The following NYX variants were observed in gnomAD, a reference collection of about 807,000 sequenced individuals.
The protein encoded by NYX is leucine-rich repeat protein.
For synonymous variants in NYX, 258 were observed against 245.7 expected (o/e 1.05, Z -0.47); for missense variants, 481 against 485.4 (o/e 0.99, Z 0.09).
intron 2 of NYX, among the ~76,000 whole-genome samples, chrX:41,469,569 C>T (rs1260109549): frequency 1.1e-5 from 1 of 89,273 alleles, no homozygotes; most frequent in Non-Finnish European, 2.2e-5. Flanking sequence ...TTTTTTGAGA[C>T]GGAGTCTCAC....
Position 41,473,617 on chromosome X carries a change from G to A in NYX, c.149G>A (p.Arg50Gln). The change falls in exon 3 of 3, where the codon CGG becomes CAG. Residue 50 changes from arginine (R) to glutamine (Q), a missense_variant. Arg to Gln is a conservative substitution (Grantham distance 43, BLOSUM62 1). Transcript: ENST00000378220. The part of the protein sequence containing the change: ...SVRCDRAGLL[R>Q]VPAELPCEAV... ...CGCTGCGACCGCGCGGGCCTCCTGC[G>A]GGTGCCGGCCGAGCTCCCGTGCGAG... The A allele has an allele frequency of 9.5e-7, 1 of 1,050,467 alleles. No individual in the cohort carries two copies. The highest frequency in any genetic ancestry group is 1.2e-6 in the Non-Finnish European group (1 of 817,563). The allele number at this position is 1,050,467 out of a possible 1,213,427, so 86.6% of individuals were successfully genotyped here.
Position 41,475,091 on chromosome X carries a change from T to C in NYX, c.*192T>C. On this transcript the variant is annotated 3_prime_UTR_variant, in exon 3 of 3. Coordinates refer to ENST00000378220, the MANE Select transcript of NYX (RefSeq NM_001378477.3). ...GGGAGGATGGTATGGATTTCTGCTT[T>C]TGTCACACGGGCATCCATTGGAAAA... The C allele has an allele frequency of 4.4e-6, 2 of 458,689 alleles. No individual in the cohort carries two copies. Among genetic ancestry groups the C allele is most frequent in the Non-Finnish European group, 7.7e-6 (2 of 260,928 alleles). The allele number at this position is 458,689 out of a possible 1,213,427, so 37.8% of individuals were successfully genotyped here. A position where few individuals can be genotyped will look rare whatever the true frequency, so the allele number is the denominator to read the frequency against.
In NYX at chrX:41,460,890, T is replaced by C. The variant is rs866746920; in HGVS notation, c.23-12601T>C. Among the ~76,000 whole-genome samples the C allele has an allele frequency of 2.3e-3, 226 of 96,413 alleles. 2 individuals are homozygous for C. Among genetic ancestry groups the C allele is most frequent in the African/African-American group, 7.7e-3 (203 of 26,309 alleles). The allele number at this position is 96,413 out of a possible 115,157, so 83.7% of individuals were successfully genotyped here. A position where few individuals can be genotyped will look rare whatever the true frequency, so the allele number is the denominator to read the frequency against. On this transcript the variant is annotated intron_variant, in intron 2 of 2. Transcript: ENST00000378220. ...ACACAGTATGTATTTTTTTTTTTTTTTTTTTTTTTTTTTTTTGGTCTGGCT... is the reference window on the plus strand; with the variant it reads ...ACACAGTATGTATTTTTTTTTTTTTCTTTTTTTTTTTTTTTTGGTCTGGCT...
intron 2 of NYX, among the ~76,000 whole-genome samples, chrX:41,464,670 C>CGTGTGTGTGTGTGTGTGTGTGTGT (rs768617215): frequency 6.3e-4 from 64 of 101,838 alleles, no homozygotes; most frequent in African/African-American, 2.1e-3. Flanking sequence ...ATGGGCCGTG[C>CGTGTGTGTGTGTGTGTGTGTGTGT]GTGTGTGTGT....
At position 41,474,254 on chromosome X, in the gene NYX, C is replaced by G; in HGVS notation, c.786C>G (p.Asp262Glu). 1.7e-6 allele frequency: 2 copies of G among 1,203,332 alleles called. No homozygotes were observed. The highest frequency in any genetic ancestry group is 2.2e-6 in the Non-Finnish European group (2 of 894,822). ...TCAACCTGGGTGGCAACGCGCTGGA[C>G]CGCGTGGCGCGCGCCTGGTTCGCTG... ...RTLNLGGNAL[D>E]RVARAWFADL... is the part of the protein sequence containing the mutation. The change falls in exon 3 of 3, where the codon GAC becomes GAG. Residue 262 changes from aspartate (D) to glutamate (E), a missense_variant. Transcript: ENST00000378220.
chrX:41,461,160 C>T (rs1237279167), intron 2 of NYX, among the ~76,000 whole-genome samples: 1 of 106,987 alleles, frequency 9.3e-6, no homozygotes, highest in Non-Finnish European at 1.9e-5. Flanking sequence ...AGTCTTTTAT[C>T]CCTCACCCCC....
Position 41,472,711 on chromosome X carries a change from G to A in NYX, c.23-780G>A, listed in dbSNP as rs1418729076. 8.7e-6 allele frequency: 3 copies of A among 345,352 alleles called. No individual in the cohort carries two copies. The East Asian group carries it at 1.3e-4, about 15-fold the overall frequency. The allele number at this position is 345,352 out of a possible 1,213,427, so 28.5% of individuals were successfully genotyped here. A position where few individuals can be genotyped will look rare whatever the true frequency, so the allele number is the denominator to read the frequency against. ...CCCCCACTTCCGCCGGCACCCCGCA[G>A]TAGAGGCCAGGGCAGGCCCCGAGCC... On this transcript the variant is annotated intron_variant, in intron 2 of 2. Transcript: ENST00000378220.
At chrX:41,467,472 G>C (rs1173917798) in intron 2 of NYX, among the ~76,000 whole-genome samples, 1 of 110,339 alleles carries the variant, frequency 9.1e-6, no homozygotes, top group Admixed American at 9.8e-5. Context: ...TTGTGCGTCA[G>C]CCTCCTGAGT....
At chrX:41,468,971 T>C (rs1057015934) in intron 2 of NYX, among the ~76,000 whole-genome samples, 1 of 111,381 alleles carries the variant, frequency 9.0e-6, no homozygotes, top group Non-Finnish European at 1.9e-5. Context: ...TGCTGGAAGC[T>C]TGGTGTCTAT....
At position 41,474,046 on chromosome X, in the gene NYX, C is replaced by T; in HGVS notation, c.578C>T (p.Ala193Val). The T allele has an allele frequency of 9.5e-7, 1 of 1,057,731 alleles. No homozygotes were observed. 87.2% of individuals were successfully genotyped at this position (1,057,731 alleles called of 1,213,427 possible). ...HLERGRIEAV[A>V]SSSLQGLRRL... is the part of the protein sequence containing the mutation. ...GAGCGCGGCCGCATCGAGGCGGTGG[C>T]CTCCAGCTCGCTGCAGGGCCTGCGC... The change falls in exon 3 of 3, where the codon GCC becomes GTC. Residue 193 changes from alanine to valine, a missense_variant. Physicochemically the swap from Ala to Val is moderately conservative, Grantham distance 64 (BLOSUM62 0). Transcript: ENST00000378220.
At chrX:41,458,669 G>C (rs2064307180) in intron 2 of NYX, among the ~76,000 whole-genome samples, 1 of 107,717 alleles carries the variant, frequency 9.3e-6, no homozygotes, top group African/African-American at 3.4e-5. Context: ...GTTTCACCAT[G>C]TTGGCCAGGC....
intron 2 of NYX, chrX:41,472,495 G>T: frequency 1.5e-6 from 1 of 652,053 alleles, no homozygotes; most frequent in Admixed American, 2.5e-5. Flanking sequence ...GCTGCTTCTG[G>T]GATTCCAAGG....
intron 2 of NYX, among the ~76,000 whole-genome samples, chrX:41,452,663 G>A (rs1421782050): frequency 9.0e-6 from 1 of 111,357 alleles, no homozygotes. Context: ...GGGGCCTTGC[G>A]TTCTTCTCCT....
rs981493309 is a variant in NYX at position 41,474,069 on chromosome X, C to T, written c.601C>T (p.Arg201Cys). Residue 201 changes from arginine to cysteine, a missense_variant, in exon 3 of 3, where the codon CGC becomes TGC. By Grantham distance (180) the Arg-to-Cys change is radical. Coordinates refer to ENST00000378220, the MANE Select transcript of NYX (RefSeq NM_001378477.3). ...AVASSSLQGL[R>C]RLRSLSLQAN... is the part of the protein sequence containing the mutation. Reference sequence around the variant, plus strand: ...GGCCTCCAGCTCGCTGCAGGGCCTGCGCCGCCTGCGCTCGCTCAGCCTGCA... The same window carrying T: ...GGCCTCCAGCTCGCTGCAGGGCCTGTGCCGCCTGCGCTCGCTCAGCCTGCA... 1.9e-5 allele frequency: 21 copies of T among 1,077,473 alleles called. No homozygotes were observed. Among genetic ancestry groups the T allele is most frequent in the Middle Eastern group, 2.9e-4 (1 of 3,439 alleles). 88.8% of individuals were successfully genotyped at this position (1,077,473 alleles called of 1,213,427 possible).
intron 2 of NYX, among the ~76,000 whole-genome samples, chrX:41,471,524 C>T (rs758691673): frequency 8.1e-4 from 91 of 112,062 alleles, no homozygotes; most frequent in African/African-American, 2.6e-3. Context: ...TGAAGACCTT[C>T]CTCTGGAGCC....
intron 2 of NYX, 82 bp downstream of exon 2, chrX:41,448,008 G>A: frequency 1.0e-6 from 1 of 990,664 alleles, no homozygotes; most frequent in Non-Finnish European, 1.4e-6. Flanking sequence ...TCTTTAAAGT[G>A]GCTTCTGGGA....
intron 2 of NYX, among the ~76,000 whole-genome samples, chrX:41,470,536 A>T (rs2147023062): frequency 9.2e-6 from 1 of 109,144 alleles, no homozygotes; most frequent in South Asian, 4.0e-4. Context: ...TCTACTAAAA[A>T]TACAAAAATT....
In NYX at chrX:41,475,100, G is replaced by A. The variant is rs889858342; in HGVS notation, c.*201G>A. The A allele has an allele frequency of 2.2e-6, 1 of 448,678 alleles. No homozygotes were observed. Among genetic ancestry groups the A allele is most frequent in the African/African-American group, 2.4e-5 (1 of 41,033 alleles). The allele number at this position is 448,678 out of a possible 1,213,427, so 37.0% of individuals were successfully genotyped here. A position where few individuals can be genotyped will look rare whatever the true frequency, so the allele number is the denominator to read the frequency against. ...GTATGGATTTCTGCTTTTGTCACACGGGCATCCATTGGAAAAGAGAAGCAA... is the reference window on the plus strand; with the variant it reads ...GTATGGATTTCTGCTTTTGTCACACAGGCATCCATTGGAAAAGAGAAGCAA... On this transcript the variant is annotated 3_prime_UTR_variant, in exon 3 of 3. Coordinates refer to ENST00000378220, the MANE Select transcript of NYX (RefSeq NM_001378477.3).
intron 2 of NYX, among the ~76,000 whole-genome samples, chrX:41,460,876 A>ATTCTTTTTTTTTTTTTTT (rs1335308569): frequency 4.0e-5 from 1 of 24,781 alleles, no homozygotes; most frequent in Non-Finnish European, 6.9e-5. Context: ...CACAGTATGT[A>ATTCTTTTTTTTTTTTTTT]TTTTTTTTTT....
Sources: gnomAD v4.1 joint callset for allele counts (sites outside exome capture counted in the v4.1 genomes callset) on GRCh38, gnomAD v4.1.1 for gene constraint, MANE v1.5 for transcripts, NCBI Gene and HGNC (gene_info 2026-07-23, HGNC 2026-07-21) for gene names.